The following GALNT17 variants were observed in gnomAD, a reference collection of about 807,000 sequenced individuals.
GALNT17 encodes polypeptide N-acetylgalactosaminyltransferase 17.
Under a neutral mutation model 63.7 loss-of-function variants are expected in GALNT17, and 29 were observed. That is an observed-to-expected ratio of 0.46 (90% CI 0.34 to 0.62). GALNT17 has a LOEUF of 0.62. GALNT17 is among the 20% of genes least tolerant of loss of function. GALNT17 has a pLI of 0.01. For synonymous variants in GALNT17, 305 were observed against 318.3 expected, an observed-to-expected ratio of 0.96 and a Z score of 0.45; for missense variants, 603 against 799.6, an observed-to-expected ratio of 0.75 and a Z score of 2.97.
intron 2 of GALNT17, among the ~76,000 whole-genome samples, chr7:71,345,802 C>CT (rs1254442720): frequency 1.3e-5 from 2 of 152,024 alleles, no homozygotes; most frequent in African/African-American, 2.4e-5. Context: ...TGCAGTGGAG[C>CT]TTTTTTTATA....
At chr7:71,384,198 T>A (rs904675379) in intron 2 of GALNT17, among the ~76,000 whole-genome samples, 3 of 152,174 alleles carry the variant, frequency 2.0e-5, no homozygotes, top group African/African-American at 7.2e-5. Flanking sequence ...CAGTGTAGTG[T>A]TGATTTGCAT....
At chr7:71,354,632 A>G (rs1425360086) in intron 2 of GALNT17, among the ~76,000 whole-genome samples, 1 of 152,124 alleles carries the variant, frequency 6.6e-6, no homozygotes, top group East Asian at 1.9e-4. Flanking sequence ...CTGTTCACTA[A>G]TATTTTATTT....
chr7:71,506,266 T>C (rs199741859), intron 5 of GALNT17, among the ~76,000 whole-genome samples: 1 of 111,154 alleles, frequency 9.0e-6, no homozygotes, highest in Non-Finnish European at 1.7e-5. Context: ...TATTTTATTT[T>C]ATTTTATTTA....
chr7:71,306,155 A>G (rs1051959037), intron 1 of GALNT17, among the ~76,000 whole-genome samples: 2 of 152,164 alleles, frequency 1.3e-5, no homozygotes, highest in African/African-American at 2.4e-5. Flanking sequence ...AGGCGGCAGA[A>G]ATAGCAGTGA....
intron 1 of GALNT17, among the ~76,000 whole-genome samples, chr7:71,193,204 TCCTCCTACCTGAG>T (rs1270443913): frequency 6.6e-6 from 1 of 152,034 alleles, no homozygotes; most frequent in African/African-American, 2.4e-5. Flanking sequence ...GCTCAAGCTA[TCCTCCTACCTGAG>T]CCTCCTGAGC....
intron 5 of GALNT17, among the ~76,000 whole-genome samples, chr7:71,444,697 A>G (rs1054316956): frequency 6.6e-6 from 1 of 152,060 alleles, no homozygotes; most frequent in African/African-American, 2.4e-5. Flanking sequence ...TTGACTGGGC[A>G]GCGCCTGTAA....
intron 1 of GALNT17, among the ~76,000 whole-genome samples, chr7:71,247,298 G>C (rs182318681): frequency 6.6e-6 from 1 of 152,098 alleles, no homozygotes; most frequent in African/African-American, 2.4e-5. Flanking sequence ...TACTAACCTC[G>C]TTATAGCTTT....
chr7:71,201,968 C>G (rs1304837589), intron 1 of GALNT17, among the ~76,000 whole-genome samples: 2 of 152,120 alleles, frequency 1.3e-5, no homozygotes, highest in Non-Finnish European at 2.9e-5. Flanking sequence ...CATTTGGGAT[C>G]TATGTCTGGG....
chr7:71,201,566 A>G (rs1562909928), intron 1 of GALNT17, among the ~76,000 whole-genome samples: 2 of 143,534 alleles, frequency 1.4e-5, no homozygotes, highest in African/African-American at 5.1e-5. Flanking sequence ...GTTTTTCTCC[A>G]TTTTTTTTGG....
At chr7:71,258,408 T>C (rs1291518833) in intron 1 of GALNT17, among the ~76,000 whole-genome samples, 1 of 152,220 alleles carries the variant, frequency 6.6e-6, no homozygotes, top group Non-Finnish European at 1.5e-5. Flanking sequence ...GTGCAGTTTC[T>C]TTCGTGAAGC....
At chr7:71,439,943 C>CT (rs370145707) in intron 5 of GALNT17, among the ~76,000 whole-genome samples, 5,053 of 123,376 alleles carry the variant, frequency 0.041, 205 homozygotes, top group African/African-American at 0.084. Flanking sequence ...TCCAGGCCCT[C>CT]TTTTTTTTTT....
chr7:71,662,201 G>T (rs955272554), intron 6 of GALNT17, among the ~76,000 whole-genome samples: 1 of 151,934 alleles, frequency 6.6e-6, no homozygotes, highest in Non-Finnish European at 1.5e-5. Flanking sequence ...TCTCTTATGC[G>T]CCTGTGTCTG....
chr7:71,610,168 C>G (rs1790104037), intron 6 of GALNT17, among the ~76,000 whole-genome samples: 1 of 151,896 alleles, frequency 6.6e-6, no homozygotes, highest in Non-Finnish European at 1.5e-5. Flanking sequence ...TAAAAAGACC[C>G]CTGATGGAAA....
At chr7:71,641,456 G>A (rs73371269) in intron 6 of GALNT17, among the ~76,000 whole-genome samples, 13,582 of 152,176 alleles carry the variant, frequency 0.089, 864 homozygotes, top group African/African-American at 0.18. Flanking sequence ...ATTTCTCACA[G>A]TTCTAGAGAT....
chr7:71,390,116 A>G (rs1308528163), intron 3 of GALNT17, among the ~76,000 whole-genome samples: 1 of 152,210 alleles, frequency 6.6e-6, no homozygotes, highest in Non-Finnish European at 1.5e-5. Context: ...GAAGGCCAAG[A>G]AAGCTTATCT....
chr7:71,141,308 A>C (rs1490021267), intron 1 of GALNT17, among the ~76,000 whole-genome samples: 2 of 151,848 alleles, frequency 1.3e-5, no homozygotes, highest in Non-Finnish European at 2.9e-5. Flanking sequence ...CGGAGGTTGC[A>C]GTGAACCGAG....
At chr7:71,139,847 G>T (rs1729823256) in intron 1 of GALNT17, among the ~76,000 whole-genome samples, 1 of 152,096 alleles carries the variant, frequency 6.6e-6, no homozygotes, top group African/African-American at 2.4e-5. Flanking sequence ...ACAAAAATAA[G>T]CCAGGCGTGG....
At chr7:71,188,905 G>A (rs763580340) in intron 1 of GALNT17, among the ~76,000 whole-genome samples, 10 of 152,170 alleles carry the variant, frequency 6.6e-5, no homozygotes, top group Non-Finnish European at 1.2e-4. Context: ...GAGCTTTTCT[G>A]GAGAGGCAGC....
At chr7:71,242,296 G>A (rs1790012696) in intron 1 of GALNT17, among the ~76,000 whole-genome samples, 1 of 124,958 alleles carries the variant, frequency 8.0e-6, no homozygotes, top group Admixed American at 9.5e-5. Flanking sequence ...TTGAGACAGA[G>A]TCTCACTCTG....
Sources: allele counts gnomAD v4.1 joint callset (sites outside exome capture counted in the v4.1 genomes callset), GRCh38; gene constraint gnomAD v4.1.1; transcripts MANE v1.5; gene names NCBI Gene and HGNC (gene_info 2026-07-23, HGNC 2026-07-21).